Variants in UBE3C observed in about 807,000 individuals in gnomAD.
The protein encoded by UBE3C is ubiquitin protein ligase E3C.
A neutral mutation model predicts 129.4 loss-of-function variants in UBE3C; 42 were observed. The observed-to-expected ratio is 0.32, with a 90% CI of 0.25 to 0.42. The LOEUF (loss-of-function observed/expected upper bound fraction) is 0.42, where lower values mean the gene tolerates loss of function less well. Ranked by LOEUF, UBE3C falls within the 10% of genes least tolerant of loss-of-function variation. The pLI is 1.00. For missense variants in UBE3C, 1,049 were observed against 1,319.1 expected (o/e 0.80, Z 3.17); for synonymous variants, 510 against 492.4 (o/e 1.04, Z -0.47).
rs1362298655 is a variant in UBE3C, at chr7:157,255,740, AG to A, written c.2951-1171del. Among the ~76,000 whole-genome samples the A allele has an allele frequency of 2.0e-5, 3 of 152,184 alleles. No homozygotes were observed. The South Asian group carries it at 6.2e-4, about 32-fold the overall frequency. ...TTATTTCTGTAGTATATTAACAATG[AG>A]GGAACAATATACAGCAATTATTTTA... On this transcript the variant is annotated intron_variant, in intron 21 of 22. Coordinates refer to ENST00000348165, the MANE Select transcript of UBE3C (RefSeq NM_014671.3).
chr7:157,163,991 G>A, intron 2 of UBE3C, 128 bp downstream of exon 2: 1 of 851,510 alleles, frequency 1.2e-6, no homozygotes, highest in Non-Finnish European at 1.8e-6. Context: ...GTGTGTATGT[G>A]TGTTTAGCTT....
At chr7:157,237,799 A>T (rs1796190222) in intron 18 of UBE3C, among the ~76,000 whole-genome samples, 1 of 152,044 alleles carries the variant, frequency 6.6e-6, no homozygotes, top group Non-Finnish European at 1.5e-5. Flanking sequence ...TAGTCCCAGC[A>T]CTTTGGGAGG....
chr7:157,190,148 A>G (rs2116949187), intron 10 of UBE3C, among the ~76,000 whole-genome samples: 1 of 152,260 alleles, frequency 6.6e-6, no homozygotes, highest in South Asian at 2.1e-4. Context: ...CTTTCATACA[A>G]GTGGCTTCAG....
chr7:157,258,871 C>T (rs753350826), intron 22 of UBE3C, among the ~76,000 whole-genome samples: 2 of 152,142 alleles, frequency 1.3e-5, no homozygotes. Flanking sequence ...CTTCTAAACC[C>T]GCACTGACCA....
At chr7:157,171,188 C>G (rs777483496) in intron 4 of UBE3C, among the ~76,000 whole-genome samples, 16 of 152,060 alleles carry the variant, frequency 1.1e-4, no homozygotes, top group Admixed American at 2.0e-4. Context: ...TGCAGTGGTG[C>G]ATTCTTGGCT....
intron 18 of UBE3C, among the ~76,000 whole-genome samples, chr7:157,233,193 A>G (rs1796068016): frequency 6.6e-6 from 1 of 151,884 alleles, no homozygotes; most frequent in Admixed American, 6.6e-5. Flanking sequence ...TCTTTGATTT[A>G]GCATGTTTTC....
intron 1 of UBE3C, among the ~76,000 whole-genome samples, chr7:157,151,037 A>G (rs1250629575): frequency 2.0e-5 from 3 of 152,194 alleles, no homozygotes; most frequent in Non-Finnish European, 4.4e-5. Flanking sequence ...GCTGCTGAGC[A>G]GACAGAGCAG....
At chr7:157,243,641 G>A (rs898261012) in intron 18 of UBE3C, among the ~76,000 whole-genome samples, 2 of 152,066 alleles carry the variant, frequency 1.3e-5, no homozygotes, top group African/African-American at 4.8e-5. Context: ...GGGACAACAC[G>A]GATTTTTTAG....
chr7:157,190,092 G>A (rs750840370), intron 10 of UBE3C, among the ~76,000 whole-genome samples: 16 of 152,168 alleles, frequency 1.1e-4, no homozygotes, highest in Non-Finnish European at 1.8e-4. Context: ...GAGCCACTGC[G>A]CCCTGCTTAG....
chr7:157,220,592 G>A (rs1795710720), intron 14 of UBE3C, 97 bp from the exon 15 acceptor site: 2 of 1,424,410 alleles, frequency 1.4e-6, no homozygotes, highest in South Asian at 2.7e-5. Context: ...CCAGCCCACG[G>A]TAGAGAAATG....
Position 157,254,258 on chromosome 7 carries a change from T to C in UBE3C, c.2898T>C (p.Gly966=). 6.2e-7 allele frequency: 1 copy of C among 1,613,674 alleles called. No homozygotes were observed. Among genetic ancestry groups the C allele is most frequent in the Admixed American group, 1.7e-5 (1 of 59,902 alleles). ...TTTTTCCTTAGGTATTAATTTCTGG[T>C]GCACAAGTTCCCATAAGCCTAGAGG... ...DQQEIQVLIS[G]AQVPISLEDL... Residue 966 remains glycine, a synonymous_variant, in exon 21 of 23, where the codon GGT becomes GGC. Coordinates refer to ENST00000348165, the MANE Select transcript of UBE3C (RefSeq NM_014671.3).
intron 22 of UBE3C, chr7:157,262,994 G>A (rs1419120278): frequency 1.3e-5 from 2 of 152,118 alleles, no homozygotes; most frequent in African/African-American, 4.8e-5. Context: ...AGATTGTATT[G>A]TCTTCATAAT....
At position 157,213,202 on chromosome 7, in the gene UBE3C, A is replaced by G. The variant is rs118000717; in HGVS notation, c.1810-3665A>G. On this transcript the variant is annotated intron_variant, in intron 13 of 22. Coordinates refer to ENST00000348165, the MANE Select transcript of UBE3C (RefSeq NM_014671.3). Reference sequence around the variant, plus strand: ...CATCAGATGGACATAATGCTATTGTATTTCAGAACTTAAAATCCACTAAAA... The same window carrying G: ...CATCAGATGGACATAATGCTATTGTGTTTCAGAACTTAAAATCCACTAAAA... 1.2e-3 allele frequency among the ~76,000 whole-genome samples: 180 copies of G among 152,374 alleles called. 8 individuals carry two copies. The East Asian group carries it at 0.031, about 27-fold the overall frequency.
chr7:157,161,192 C>G (rs999951697), intron 1 of UBE3C, among the ~76,000 whole-genome samples: 1 of 152,042 alleles, frequency 6.6e-6, no homozygotes, highest in African/African-American at 2.4e-5. Context: ...GTGTTAATTT[C>G]CTGTGGATAA....
intron 13 of UBE3C, among the ~76,000 whole-genome samples, chr7:157,212,547 C>A (rs764529274): frequency 2.0e-5 from 3 of 152,186 alleles, no homozygotes; most frequent in Non-Finnish European, 4.4e-5. Context: ...ACATAGCGAT[C>A]TTGTGAAAAC....
At chr7:157,192,556 A>G (rs1297286922) in intron 10 of UBE3C, 3 of 765,262 alleles carry the variant, frequency 3.9e-6, no homozygotes, top group Non-Finnish European at 7.2e-6. Context: ...ATTCAAAAGG[A>G]GCTTACTCTT....
At position 157,166,469 on chromosome 7, in the gene UBE3C, G is replaced by A. The variant is rs116401173; in HGVS notation, c.121-2579G>A. On this transcript the variant is annotated intron_variant, in intron 2 of 22. Transcript: ENST00000348165. ...AATCAATATTTTGAGGGCTGGGCGC[G>A]ATGGCTCACGCCTGTATTCTCAGCA... is the stretch of plus-strand genomic sequence containing the variant. 3.3e-3 allele frequency among the ~76,000 whole-genome samples: 506 copies of A among 152,234 alleles called. 7 individuals are homozygous for A. Among genetic ancestry groups the A allele is most frequent in the African/African-American group, 9.9e-3 (412 of 41,522 alleles).
chr7:157,155,891 C>T (rs933199241), intron 1 of UBE3C, among the ~76,000 whole-genome samples: 2 of 151,882 alleles, frequency 1.3e-5, no homozygotes, highest in African/African-American at 4.9e-5. Flanking sequence ...ACGATGGCCT[C>T]GGTCGTTTCA....
At chr7:157,243,868 T>C (rs535478794) in intron 18 of UBE3C, among the ~76,000 whole-genome samples, 78 of 152,342 alleles carry the variant, frequency 5.1e-4, no homozygotes, top group African/African-American at 1.5e-3. Context: ...CCCTGACATA[T>C]AGTTGGCACT....
Sources: allele counts gnomAD v4.1 joint callset (sites outside exome capture counted in the v4.1 genomes callset), GRCh38; gene constraint gnomAD v4.1.1; transcripts MANE v1.5; gene names NCBI Gene and HGNC (gene_info 2026-07-23, HGNC 2026-07-21).